Variants in GRAMD2B observed in about 807,000 individuals in gnomAD.
The protein encoded by GRAMD2B is GRAM domain containing 2B, also known as GRAM domain-containing protein 2B.
In GRAMD2B, 41 loss-of-function variants were observed where a neutral mutation model predicts 59.2. The observed-to-expected ratio is 0.69, with a 90% CI of 0.54 to 0.90. The LOEUF is 0.90. Ranked by LOEUF, GRAMD2B falls within the 40% of genes least tolerant of loss-of-function variation. The pLI is 0.00. For missense variants in GRAMD2B, 424 were observed against 500.5 expected (o/e 0.85, Z 1.46); for synonymous variants, 161 against 182.7 (o/e 0.88, Z 0.96).
chr5:126,424,149 G>T (rs1285854563), intron 1 of GRAMD2B, among the ~76,000 whole-genome samples: 1 of 152,170 alleles, frequency 6.6e-6, no homozygotes, highest in Non-Finnish European at 1.5e-5. Context: ...GGGGATGGGG[G>T]AGGCACAAAT....
chr5:126,473,614 A>G (rs949016114), intron 5 of GRAMD2B, among the ~76,000 whole-genome samples: 1 of 152,160 alleles, frequency 6.6e-6, no homozygotes, highest in Admixed American at 6.6e-5. Flanking sequence ...ATATATACAC[A>G]TGTACCTCAC....
At chr5:126,489,137 G>T (rs1773488635) in intron 13 of GRAMD2B, among the ~76,000 whole-genome samples, 1 of 152,118 alleles carries the variant, frequency 6.6e-6, no homozygotes. Flanking sequence ...CTTCCTCCTT[G>T]ATTAGACATA....
rs1581256949 is a variant in GRAMD2B at position 126,483,485 on chromosome 5, A to G, written c.758A>G (p.Asp253Gly). ...CAGGATTTCAATGATGAATTCTCAG[A>G]TCTGGATGGAGTGGTTCAACAAAGA... is the stretch of plus-strand genomic sequence containing the variant. ...LPLDFNDEFSDLDGVVQQRRQ... is the reference protein window; with the variant it reads ...LPLDFNDEFSGLDGVVQQRRQ... The change falls in exon 9 of 14, where the codon GAT (aspartate) becomes GGT (glycine). Residue 253 changes from aspartate (D) to glycine (G), a missense_variant. Transcript: ENST00000285689. 1.2e-6 allele frequency: 2 copies of G among 1,610,232 alleles called. No homozygotes were observed. Among genetic ancestry groups the G allele is most frequent in the Non-Finnish European group, 1.7e-6 (2 of 1,176,534 alleles).
At chr5:126,411,188 C>A (rs889369534) in intron 1 of GRAMD2B, among the ~76,000 whole-genome samples, 1 of 151,950 alleles carries the variant, frequency 6.6e-6, no homozygotes, top group Non-Finnish European at 1.5e-5. Context: ...AGGCCAATGT[C>A]CAAAATGGTG....
At chr5:126,389,624 TTA>T (rs1302304165) in intron 1 of GRAMD2B, among the ~76,000 whole-genome samples, 2 of 152,212 alleles carry the variant, frequency 1.3e-5, no homozygotes, top group African/African-American at 4.8e-5. Context: ...CGTAAGATTA[TTA>T]TATGTTTTTT....
intron 1 of GRAMD2B, among the ~76,000 whole-genome samples, chr5:126,439,643 C>T (rs578077093): frequency 3.3e-5 from 5 of 152,114 alleles, no homozygotes; most frequent in Admixed American, 1.3e-4. Context: ...TTTTAAAACT[C>T]AAGGGAACAA....
At chr5:126,460,690 G>A (rs776017671) in intron 1 of GRAMD2B, among the ~76,000 whole-genome samples, 7 of 152,114 alleles carry the variant, frequency 4.6e-5, no homozygotes, top group Admixed American at 6.5e-5. Flanking sequence ...TGCCAGCCAC[G>A]GAGCCACTGA....
At chr5:126,386,798 G>A (rs942739011) in intron 1 of GRAMD2B, among the ~76,000 whole-genome samples, 39 of 152,072 alleles carry the variant, frequency 2.6e-4, no homozygotes, top group Admixed American at 1.3e-4. Context: ...CTATTCTGAG[G>A]ATTAGGTACA....
intron 1 of GRAMD2B, chr5:126,433,736 A>G (rs1404468892): frequency 1.3e-5 from 2 of 152,244 alleles, no homozygotes; most frequent in Admixed American, 1.3e-4. Context: ...TAAAAACCAT[A>G]GATGGGTTCT....
chr5:126,463,322 T>C (rs748511308), intron 1 of GRAMD2B, among the ~76,000 whole-genome samples: 1 of 152,162 alleles, frequency 6.6e-6, no homozygotes, highest in Non-Finnish European at 1.5e-5. Flanking sequence ...CTATACCCAG[T>C]CTCTACTTAA....
intron 1 of GRAMD2B, among the ~76,000 whole-genome samples, chr5:126,407,697 G>A (rs190331434): frequency 2.6e-5 from 4 of 152,056 alleles, no homozygotes; most frequent in East Asian, 1.9e-4. Flanking sequence ...CCTCTAGCAC[G>A]TGTCATAATA....
At chr5:126,481,402 A>G (rs1771813644) in intron 8 of GRAMD2B, among the ~76,000 whole-genome samples, 1 of 152,128 alleles carries the variant, frequency 6.6e-6, no homozygotes, top group Non-Finnish European at 1.5e-5. Context: ...TTCCCAAGAG[A>G]GTTCCAACCA....
At chr5:126,446,346 A>G (rs11957222) in intron 1 of GRAMD2B, among the ~76,000 whole-genome samples, 17,775 of 152,122 alleles carry the variant, frequency 0.12, 2,066 homozygotes, top group African/African-American at 0.31. Flanking sequence ...ATACTATTCT[A>G]TCTACTTTGT....
At chr5:126,463,848 G>A (rs974225540) in intron 1 of GRAMD2B, among the ~76,000 whole-genome samples, 8 of 152,056 alleles carry the variant, frequency 5.3e-5, no homozygotes, top group Non-Finnish European at 1.0e-4. Context: ...GCAAAACCCC[G>A]TCTCTACTAA....
At chr5:126,451,870 A>G (rs1402660430) in intron 1 of GRAMD2B, among the ~76,000 whole-genome samples, 1 of 152,054 alleles carries the variant, frequency 6.6e-6, no homozygotes, top group Non-Finnish European at 1.5e-5. Flanking sequence ...TCAGTTAGTT[A>G]ATATGAGATC....
intron 1 of GRAMD2B, among the ~76,000 whole-genome samples, chr5:126,365,292 T>C (rs1754388473): frequency 6.6e-6 from 1 of 152,068 alleles, no homozygotes; most frequent in Non-Finnish European, 1.5e-5. Flanking sequence ...TATGTATCCC[T>C]TAGGCCAGTA....
At position 126,391,349 on chromosome 5, in the gene GRAMD2B, C is replaced by A. The variant is rs540633586; in HGVS notation, c.125+19782C>A. ...AAAAAAAAAAAAAAAAACTTGTACACTGTTATTTGTCAGTTATAGCTCAAC... is the reference window on the plus strand; with the variant it reads ...AAAAAAAAAAAAAAAAACTTGTACAATGTTATTTGTCAGTTATAGCTCAAC... On this transcript the variant is annotated intron_variant, in intron 1 of 8. Transcript: ENST00000506445. Among the ~76,000 whole-genome samples the A allele has an allele frequency of 1.0e-3, 81 of 77,234 alleles. 1 individual carries two copies. Among genetic ancestry groups the A allele is most frequent in the African/African-American group, 2.9e-3 (74 of 25,900 alleles). The allele number at this position is 77,234 out of a possible 152,430, so 50.7% of individuals were successfully genotyped here.
At chr5:126,477,613 C>CT (rs1237784629) in intron 5 of GRAMD2B, 79 bp from the exon 6 acceptor site, 16 of 835,342 alleles carry the variant, frequency 1.9e-5, no homozygotes, top group Non-Finnish European at 3.3e-5. Context: ...CCTTTTTTTT[C>CT]TTTTTTCCTT....
rs145861378 is a variant in GRAMD2B, at chr5:126,360,233, A to G, written c.-99A>G. 1.5e-3 allele frequency: 2,096 copies of G among 1,397,264 alleles called. 15 individuals are homozygous for G. In the African/African-American group the frequency reaches 0.022, roughly 15 times the overall value. The allele number at this position is 1,397,264 out of a possible 1,614,324, so 86.6% of individuals were successfully genotyped here. On this transcript the variant is annotated 5_prime_UTR_variant, in exon 1 of 14. Transcript: ENST00000513040. Reference sequence around the variant, plus strand: ...GCACTTGTGAGCGAAAAGCACACCAACTGGCTCAAAGAGCTGTGGTTGGGC... The same window carrying G: ...GCACTTGTGAGCGAAAAGCACACCAGCTGGCTCAAAGAGCTGTGGTTGGGC...
Sources: gnomAD v4.1 joint callset for allele counts (sites outside exome capture counted in the v4.1 genomes callset) on GRCh38, gnomAD v4.1.1 for gene constraint, MANE v1.5 for transcripts, NCBI Gene and HGNC (gene_info 2026-07-23, HGNC 2026-07-21) for gene names.